The following INPP4B variants were observed in gnomAD, a reference collection of about 807,000 sequenced individuals.
The protein encoded by INPP4B is inositol polyphosphate-4-phosphatase type II B.
INPP4B carries 55 observed loss-of-function variants against 122.5 expected under a neutral mutation model. The observed-to-expected ratio is 0.45, with a 90% CI of 0.36 to 0.56. The LOEUF is 0.56. INPP4B is among the 20% of genes least tolerant of loss of function. INPP4B has a pLI of 0.00. For missense variants in INPP4B, 1,000 were observed against 1,097.7 expected (o/e 0.91, Z 1.26); for synonymous variants, 403 against 388.7 (o/e 1.04, Z -0.43).
chr4:142,403,115 G>T (rs908773721), intron 6 of INPP4B, 61 bp from the exon 7 acceptor site: 5 of 864,616 alleles, frequency 5.8e-6, no homozygotes, highest in South Asian at 1.3e-5. Flanking sequence ...TTGGCAGCAC[G>T]CAAGTGACAC....
intron 25 of INPP4B, among the ~76,000 whole-genome samples, chr4:142,053,586 A>AATCAT (rs1474316354): frequency 7.9e-5 from 3 of 37,848 alleles, no homozygotes; most frequent in African/African-American, 1.3e-4. Context: ...TTGTACCTGT[A>AATCAT]GTCATGGCCC....
chr4:142,128,882 A>G (rs183192761), intron 18 of INPP4B, among the ~76,000 whole-genome samples: 9 of 152,270 alleles, frequency 5.9e-5, no homozygotes, highest in African/African-American at 2.2e-4. Flanking sequence ...AAAGAGCCAA[A>G]TATCAACCAA....
At chr4:142,085,165 C>T (rs2152541577) in intron 24 of INPP4B, among the ~76,000 whole-genome samples, 1 of 152,306 alleles carries the variant, frequency 6.6e-6, no homozygotes, top group Non-Finnish European at 1.5e-5. Flanking sequence ...TTTCCTCTGC[C>T]TTGCTTTTGG....
chr4:142,533,461 A>G (rs1827849003), intron 2 of INPP4B, among the ~76,000 whole-genome samples: 1 of 152,114 alleles, frequency 6.6e-6, no homozygotes, highest in South Asian at 2.1e-4. Context: ...TGTATAAAAA[A>G]TATTTATTTT....
At chr4:142,804,713 C>G (rs1230830843) in intron 1 of INPP4B, among the ~76,000 whole-genome samples, 1 of 152,160 alleles carries the variant, frequency 6.6e-6, no homozygotes, top group African/African-American at 2.4e-5. Flanking sequence ...GTTACTCAGG[C>G]TGGAGTGCAG....
Position 142,123,371 on chromosome 4 carries a change from A to C in INPP4B, c.1938T>G (p.Ser646Arg). 1 of 1,613,008 alleles carries C rather than the reference A, an allele frequency of 6.2e-7. No homozygotes were observed. Among genetic ancestry groups the C allele is most frequent in the South Asian group, 1.1e-5 (1 of 91,016 alleles). ...GCTGTAGGAAGCCTGGGTCATACAG[A>C]CTTGTCTGTAATTTGATGATAAAAC... ...VCGFIIKLQT[S>R]LYDPGFLQQL... The change falls in exon 20 of 26, where the codon AGT (serine) becomes AGG (arginine). Residue 646 changes from serine (S) to arginine (R), a missense_variant. Coordinates refer to ENST00000262992, the MANE Select transcript of INPP4B (RefSeq NM_001101669.3).
chr4:142,455,863 T>C (rs929757845), intron 3 of INPP4B, among the ~76,000 whole-genome samples: 30 of 152,114 alleles, frequency 2.0e-4, no homozygotes, highest in African/African-American at 7.0e-4. Context: ...GGTGAAATGA[T>C]ATATCATTGC....
intron 25 of INPP4B, among the ~76,000 whole-genome samples, chr4:142,064,993 A>G (rs1762791864): frequency 1.3e-5 from 2 of 152,156 alleles, no homozygotes; most frequent in Non-Finnish European, 2.9e-5. Flanking sequence ...AAAATTTAGT[A>G]TTTTCAGCTT....
chr4:142,839,065 A>G (rs1306150085), intron 1 of INPP4B, among the ~76,000 whole-genome samples: 4 of 152,236 alleles, frequency 2.6e-5, no homozygotes, highest in African/African-American at 9.6e-5. Flanking sequence ...ACTATATGTC[A>G]TGTACCTTTA....
chr4:142,145,930 C>T lies in INPP4B; in HGVS notation c.1630G>A (p.Glu544Lys). The change falls in exon 18 of 26, where the codon GAA becomes AAA. Residue 544 changes from glutamate (E) to lysine (K), a missense_variant. Transcript: ENST00000262992. ...CIIAMVDKLI[E>K]RDGGSEGSGG... ...CTGCCTTCACTGCCACCATCTCTTT[C>T]AATCAGTTTGTCCACCATAGCAATA... 6.2e-7 allele frequency: 1 copy of T among 1,613,934 alleles called. No homozygotes were observed. The highest frequency in any genetic ancestry group is 8.5e-7 in the Non-Finnish European group (1 of 1,179,846).
At chr4:142,677,733 A>C (rs558259050) in intron 2 of INPP4B, among the ~76,000 whole-genome samples, 1 of 152,240 alleles carries the variant, frequency 6.6e-6, no homozygotes, top group East Asian at 1.9e-4. Flanking sequence ...TTAGCAAACT[A>C]ACACAGGAAC....
intron 1 of INPP4B, among the ~76,000 whole-genome samples, chr4:142,760,264 A>G (rs563337966): frequency 4.3e-4 from 65 of 152,292 alleles, no homozygotes; most frequent in Non-Finnish European, 7.9e-4. Context: ...ATATTTAAGA[A>G]CAGTAATATA....
At chr4:142,170,539 C>T (rs1344186977) in intron 16 of INPP4B, among the ~76,000 whole-genome samples, 3 of 151,684 alleles carry the variant, frequency 2.0e-5, no homozygotes, top group Non-Finnish European at 4.4e-5. Context: ...TTTAATATTT[C>T]TCTGCCTCAG....
chr4:142,184,011 C>G (rs1340335035), intron 15 of INPP4B, among the ~76,000 whole-genome samples: 3 of 151,888 alleles, frequency 2.0e-5, no homozygotes, highest in Admixed American at 6.6e-5. Context: ...TTTCAGACTG[C>G]CTTCTTCACC....
At chr4:142,600,223 C>A (rs1372694597) in intron 2 of INPP4B, among the ~76,000 whole-genome samples, 1 of 152,112 alleles carries the variant, frequency 6.6e-6, no homozygotes, top group East Asian at 1.9e-4. Flanking sequence ...TATAGTCAAA[C>A]TGTCTAAAAT....
At position 142,810,169 on chromosome 4, in the gene INPP4B, C is replaced by CAAAA. The variant is rs201292060; in HGVS notation, c.-254+36036_-254+36039dup. Among the ~76,000 whole-genome samples, 324 of 103,854 alleles carry CAAAA rather than the reference C, an allele frequency of 3.1e-3. 2 individuals carry two copies. Among genetic ancestry groups the CAAAA allele is most frequent in the African/African-American group, 9.5e-3 (280 of 29,592 alleles). The allele number at this position is 103,854 out of a possible 152,430, so 68.1% of individuals were successfully genotyped here. On this transcript the variant is annotated intron_variant, in intron 1 of 25. Transcript: ENST00000262992. ...TGGGTGACAGAGTGAGACTCCATCTCAAAAAAAAAAAAAAAAATCAAATTG... is the reference window on the plus strand; with the variant it reads ...TGGGTGACAGAGTGAGACTCCATCTCAAAAAAAAAAAAAAAAAAAAATCAAATTG...
intron 2 of INPP4B, among the ~76,000 whole-genome samples, chr4:142,475,965 C>A (rs1819717148): frequency 6.6e-6 from 1 of 152,134 alleles, no homozygotes; most frequent in African/African-American, 2.4e-5. Flanking sequence ...ATTAGAGAGG[C>A]AAACATTTAA....
chr4:142,390,306 C>T (rs527824668), intron 7 of INPP4B, among the ~76,000 whole-genome samples: 1 of 152,146 alleles, frequency 6.6e-6, no homozygotes, highest in African/African-American at 2.4e-5. Context: ...AATAAACTAT[C>T]AGAAAAAGAA....
intron 7 of INPP4B, among the ~76,000 whole-genome samples, chr4:142,348,092 A>C (rs1398931829): frequency 6.6e-6 from 1 of 152,090 alleles, no homozygotes; most frequent in Non-Finnish European, 1.5e-5. Flanking sequence ...CAACAAAAAT[A>C]AACTATAAGC....
Sources: gnomAD v4.1 joint callset for allele counts (sites outside exome capture counted in the v4.1 genomes callset) on GRCh38, gnomAD v4.1.1 for gene constraint, MANE v1.5 for transcripts, NCBI Gene and HGNC (gene_info 2026-07-23, HGNC 2026-07-21) for gene names.